Variants in ITGA9 observed in about 807,000 individuals in gnomAD.
ITGA9 encodes integrin alpha-9.
In ITGA9, 56 loss-of-function variants were observed where a neutral mutation model predicts 127.8. That is an observed-to-expected ratio of 0.44 (90% CI 0.35 to 0.55). The LOEUF is 0.55. ITGA9 is among the 20% of genes least tolerant of loss of function. The pLI is 0.00. For missense variants in ITGA9, 1,196 were observed against 1,347.1 expected (o/e 0.89, Z 1.76); for synonymous variants, 508 against 514.5 (o/e 0.99, Z 0.17).
intron 20 of ITGA9, among the ~76,000 whole-genome samples, chr3:37,740,783 G>A (rs189870944): frequency 2.0e-5 from 3 of 152,318 alleles, no homozygotes; most frequent in East Asian, 3.9e-4. Context: ...CACCTTTCCA[G>A]AATGATCTCA....
At chr3:37,520,776 C>T (rs1006035288) in intron 11 of ITGA9, among the ~76,000 whole-genome samples, 19 of 152,202 alleles carry the variant, frequency 1.2e-4, no homozygotes, top group African/African-American at 4.3e-4. Flanking sequence ...CAGGGATGCT[C>T]TTCCCAGGGT....
At chr3:37,575,867 A>C (rs1480111687) in intron 15 of ITGA9, among the ~76,000 whole-genome samples, 5 of 152,178 alleles carry the variant, frequency 3.3e-5, no homozygotes, top group Non-Finnish European at 7.3e-5. Flanking sequence ...TACAACTCCA[A>C]ACGTTTATTT....
At chr3:37,454,920 A>T (rs1325777986) in intron 1 of ITGA9, among the ~76,000 whole-genome samples, 1 of 152,106 alleles carries the variant, frequency 6.6e-6, no homozygotes, top group African/African-American at 2.4e-5. Flanking sequence ...GTGACTTCCA[A>T]CATCTTCTTT....
At chr3:37,817,998 C>G (rs181849440) in intron 27 of ITGA9, among the ~76,000 whole-genome samples, 3 of 152,094 alleles carry the variant, frequency 2.0e-5, no homozygotes, top group Admixed American at 6.5e-5. Flanking sequence ...GAATGCAGAC[C>G]TGCAGACGCT....
chr3:37,679,558 T>C lies in ITGA9; in HGVS notation c.1917-4307T>C, dbSNP rs72857290. Among the ~76,000 whole-genome samples, 1,033 of 152,236 alleles carry C rather than the reference T, an allele frequency of 6.8e-3. 15 individuals carry two copies. The highest frequency in any genetic ancestry group is 0.023 in the African/African-American group (972 of 41,530). ...TTCCCCTTTCTGGGGCTCAACTTCT[T>C]CATCTGTAAAATGTGAAGGGGGAGC... On this transcript the variant is annotated intron_variant, in intron 17 of 27. Transcript: ENST00000264741.
At chr3:37,800,500 T>A (rs1384302696) in intron 26 of ITGA9, among the ~76,000 whole-genome samples, 1 of 152,182 alleles carries the variant, frequency 6.6e-6, no homozygotes. Flanking sequence ...CAAGACACCA[T>A]GAGAGATTCC....
intron 23 of ITGA9, among the ~76,000 whole-genome samples, chr3:37,756,237 A>C (rs1696651615): frequency 6.6e-6 from 1 of 152,168 alleles, no homozygotes; most frequent in Admixed American, 6.5e-5. Flanking sequence ...ATTAAAGCCC[A>C]AAACCCACAA....
chr3:37,665,516 C>G lies in ITGA9; in HGVS notation c.1916+11726C>G, dbSNP rs1700578334. Among the ~76,000 whole-genome samples the G allele has an allele frequency of 2.0e-5, 3 of 152,030 alleles. No individual in the cohort carries two copies. In the South Asian group the frequency reaches 6.2e-4, roughly 32 times the overall value. The stretch of plus-strand genomic sequence containing the variant: ...CCAGGCTGGAGTACAGTGGCGCTAT[C>G]TTGGCTCACTACAATTTCCACCTCC... On this transcript the variant is annotated intron_variant, in intron 17 of 27. Transcript: ENST00000264741.
intron 1 of ITGA9, among the ~76,000 whole-genome samples, chr3:37,466,701 G>A (rs1363652911): frequency 6.6e-6 from 1 of 152,070 alleles, no homozygotes; most frequent in Non-Finnish European, 1.5e-5. Flanking sequence ...CTGATTTAAT[G>A]GGCTGGGGCC....
chr3:37,489,963 C>A (rs1185484694), intron 4 of ITGA9, among the ~76,000 whole-genome samples: 4 of 152,152 alleles, frequency 2.6e-5, no homozygotes, highest in Non-Finnish European at 5.9e-5. Flanking sequence ...GCAGGTAGCC[C>A]CTACTGCTGT....
intron 15 of ITGA9, among the ~76,000 whole-genome samples, chr3:37,613,609 A>G (rs1700045175): frequency 6.6e-6 from 1 of 152,218 alleles, no homozygotes; most frequent in African/African-American, 2.4e-5. Context: ...ATCTCTCCAC[A>G]TCCTCTCCAG....
At position 37,780,021 on chromosome 3, in the gene ITGA9, G is replaced by A; in HGVS notation, c.2787G>A (p.Lys929=). 1 of 1,613,854 alleles carries A rather than the reference G, an allele frequency of 6.2e-7. No individual in the cohort carries two copies. The highest frequency in any genetic ancestry group is 8.5e-7 in the Non-Finnish European group (1 of 1,179,916). The change falls in exon 25 of 28, where the codon AAG becomes AAA. Residue 929 remains lysine (K), a splice_region_variant and synonymous_variant. Transcript: ENST00000264741. The stretch of plus-strand genomic sequence containing the variant: ...TGCTGAACACAGAAATACTGAAAAA[G>A]GTAAGCCCTAATGAACCGCACTTGT... The part of the protein sequence containing the change: ...YMLLNTEILK[K]DSSSVIQFMS...
At chr3:37,660,769 G>T (rs959679938) in intron 17 of ITGA9, among the ~76,000 whole-genome samples, 1 of 152,220 alleles carries the variant, frequency 6.6e-6, no homozygotes, top group South Asian at 2.1e-4. Flanking sequence ...GCCCAGGCTG[G>T]ACTCAGCTGG....
rs374152696 is a variant in ITGA9, at chr3:37,655,165, G to T, written c.1916+1375G>T. Among the ~76,000 whole-genome samples, 3 of 152,304 alleles carry T rather than the reference G, an allele frequency of 2.0e-5. No homozygotes were observed. The South Asian group carries it at 6.2e-4, about 32-fold the overall frequency. The stretch of plus-strand genomic sequence containing the variant: ...CTGCAATAAACATATGTGTGCATGT[G>T]TCTTTATAGTAGAATGATTCATAAT... On this transcript the variant is annotated intron_variant, in intron 17 of 27. Transcript: ENST00000264741.
Position 37,710,147 on chromosome 3 carries a change from G to A in ITGA9, c.2068-22565G>A, listed in dbSNP as rs111647557. On this transcript the variant is annotated intron_variant, in intron 18 of 27. Transcript: ENST00000264741. ...AGCTGTATTGGCCACAGCCATGTGCGTCATCCCAGGGGACACTTATGTGAG... is the reference window on the plus strand; with the variant it reads ...AGCTGTATTGGCCACAGCCATGTGCATCATCCCAGGGGACACTTATGTGAG... Among the ~76,000 whole-genome samples, 559 of 152,288 alleles carry A rather than the reference G, an allele frequency of 3.7e-3. 5 individuals are homozygous for A. Among genetic ancestry groups the A allele is most frequent in the African/African-American group, 0.013 (529 of 41,556 alleles).
At chr3:37,786,460 G>A (rs150670636) in intron 26 of ITGA9, among the ~76,000 whole-genome samples, 202 of 152,248 alleles carry the variant, frequency 1.3e-3, no homozygotes, top group African/African-American at 4.7e-3. Flanking sequence ...CAGTCGTGGT[G>A]GTAGGCTCTT....
chr3:37,691,079 A>G (rs1056998174), intron 18 of ITGA9, among the ~76,000 whole-genome samples: 4 of 152,316 alleles, frequency 2.6e-5, no homozygotes, highest in South Asian at 4.1e-4. Context: ...TATGCATGGC[A>G]GGAGAGACCT....
intron 16 of ITGA9, among the ~76,000 whole-genome samples, chr3:37,641,239 C>T (rs1017830054): frequency 6.6e-6 from 1 of 152,188 alleles, no homozygotes; most frequent in Non-Finnish European, 1.5e-5. Context: ...ATTAGATTCT[C>T]ACAGGAACAT....
At chr3:37,526,096 T>C in intron 13 of ITGA9, 25 bp downstream of exon 13, 1 of 1,606,146 alleles carries the variant, frequency 6.2e-7, no homozygotes, top group Non-Finnish European at 8.5e-7. Context: ...TCTTGCTCCT[T>C]GAATTGTGCT....
Sources: allele counts gnomAD v4.1 joint callset (sites outside exome capture counted in the v4.1 genomes callset), GRCh38; gene constraint gnomAD v4.1.1; transcripts MANE v1.5; gene names NCBI Gene and HGNC (gene_info 2026-07-23, HGNC 2026-07-21).